Variants in HS6ST2 observed in about 807,000 individuals in gnomAD.
HS6ST2 encodes heparan-sulfate 6-O-sulfotransferase 2.
A neutral mutation model predicts 33.0 loss-of-function variants in HS6ST2; 17 were observed. The observed-to-expected ratio is 0.52, with a 90% CI of 0.35 to 0.77. HS6ST2 has a LOEUF of 0.77. Ranked by LOEUF, HS6ST2 falls within the 30% of genes least tolerant of loss-of-function variation. The pLI is 0.01. For missense variants in HS6ST2, 519 were observed against 551.7 expected (o/e 0.94, Z 0.59); for synonymous variants, 248 against 237.1 (o/e 1.05, Z -0.42).
intron 2 of HS6ST2, among the ~76,000 whole-genome samples, chrX:132,860,853 T>C (rs2065905945): frequency 2.1e-5 from 2 of 95,963 alleles, no homozygotes; most frequent in Non-Finnish European, 4.1e-5. Context: ...AGTGGTGCAA[T>C]CTCGGCTCAC....
chrX:132,643,142 C>T (rs2063614191), intron 4 of HS6ST2, among the ~76,000 whole-genome samples: 1 of 112,324 alleles, frequency 8.9e-6, no homozygotes, highest in Admixed American at 9.4e-5. Flanking sequence ...AAAATATAAG[C>T]CATGGCTCTA....
intron 2 of HS6ST2, among the ~76,000 whole-genome samples, chrX:132,783,651 GACCCCAAGCCT>G (rs2065034659): frequency 9.0e-6 from 1 of 110,864 alleles, no homozygotes; most frequent in African/African-American, 3.3e-5. Flanking sequence ...TTCCCAGGGA[GACCCCAAGCCT>G]GGGAATTTCA....
intron 2 of HS6ST2, among the ~76,000 whole-genome samples, chrX:132,822,327 G>A (rs2065468076): frequency 2.7e-5 from 3 of 111,106 alleles, no homozygotes; most frequent in Non-Finnish European, 3.8e-5. Flanking sequence ...ATCCCTGCCC[G>A]TGGTCTCAGA....
intron 2 of HS6ST2, among the ~76,000 whole-genome samples, chrX:132,783,122 T>C (rs1382122173): frequency 8.9e-6 from 1 of 111,980 alleles, no homozygotes; most frequent in Non-Finnish European, 1.9e-5. Flanking sequence ...GAGTAAATCA[T>C]GTCAGTGACC....
intron 3 of HS6ST2, among the ~76,000 whole-genome samples, chrX:132,679,227 G>T (rs2063948479): frequency 8.9e-6 from 1 of 112,140 alleles, no homozygotes; most frequent in Admixed American, 9.4e-5. Flanking sequence ...ATACAAGAAG[G>T]GTTGGCAGTC....
chrX:132,803,234 T>A (rs1171037793), intron 2 of HS6ST2, among the ~76,000 whole-genome samples: 1 of 111,287 alleles, frequency 9.0e-6, no homozygotes, highest in Non-Finnish European at 1.9e-5. Flanking sequence ...TTTCCTAGTC[T>A]CCCAGAAAAT....
At chrX:132,892,945 T>C (rs924147498) in intron 2 of HS6ST2, among the ~76,000 whole-genome samples, 5 of 112,774 alleles carry the variant, frequency 4.4e-5, no homozygotes, top group Admixed American at 2.8e-4. Flanking sequence ...AAATGCTATA[T>C]AAACAGTTAT....
intron 2 of HS6ST2, among the ~76,000 whole-genome samples, chrX:132,808,946 C>T (rs2065312330): frequency 8.9e-6 from 1 of 112,085 alleles, no homozygotes; most frequent in Non-Finnish European, 1.9e-5. Context: ...ATGCATCAAA[C>T]GCAAGAAGTA....
intron 2 of HS6ST2, among the ~76,000 whole-genome samples, chrX:132,838,415 G>A (rs2065667109): frequency 2.7e-5 from 3 of 111,804 alleles, no homozygotes; most frequent in Non-Finnish European, 1.9e-5. Context: ...AGTGAAGGGA[G>A]CTATGAGATC....
chrX:132,821,884 G>A (rs897985599), intron 2 of HS6ST2, among the ~76,000 whole-genome samples: 2 of 110,686 alleles, frequency 1.8e-5, no homozygotes, highest in Admixed American at 9.6e-5. Flanking sequence ...CCAGCTACTC[G>A]GGAGGCTGAG....
At chrX:132,675,309 C>T (rs1049204455) in intron 3 of HS6ST2, among the ~76,000 whole-genome samples, 14 of 111,282 alleles carry the variant, frequency 1.3e-4, no homozygotes, top group African/African-American at 3.9e-4. Context: ...CAGTGATCCA[C>T]TATGATTAAG....
At chrX:132,927,764 G>A (rs1210794406) in intron 2 of HS6ST2, among the ~76,000 whole-genome samples, 1 of 109,866 alleles carries the variant, frequency 9.1e-6, no homozygotes, top group Non-Finnish European at 1.9e-5. Flanking sequence ...GGCTGAGAGG[G>A]GAGGATCGCT....
At chrX:132,789,982 G>A (rs771808514) in intron 2 of HS6ST2, among the ~76,000 whole-genome samples, 1 of 112,642 alleles carries the variant, frequency 8.9e-6, no homozygotes, top group African/African-American at 3.2e-5. Context: ...GAATAATCGT[G>A]TTGAAATGAC....
chrX:132,913,682 G>A (rs1362662094), intron 2 of HS6ST2, among the ~76,000 whole-genome samples: 1 of 112,197 alleles, frequency 8.9e-6, no homozygotes, highest in Non-Finnish European at 1.9e-5. Context: ...TGGCTGCAGA[G>A]GTCTCCAGCT....
At chrX:132,940,929 T>C (rs2066880155) in intron 2 of HS6ST2, among the ~76,000 whole-genome samples, 1 of 111,705 alleles carries the variant, frequency 9.0e-6, no homozygotes, top group African/African-American at 3.3e-5. Context: ...CTGACCTCTG[T>C]GACATTCTCT....
intron 2 of HS6ST2, among the ~76,000 whole-genome samples, chrX:132,825,785 C>G (rs1170791078): frequency 1.8e-5 from 2 of 111,841 alleles, no homozygotes; most frequent in Non-Finnish European, 3.8e-5. Context: ...TAGTCCAACT[C>G]TCTTTAATAC....
chrX:132,853,394 A>G (rs966904313), intron 2 of HS6ST2, among the ~76,000 whole-genome samples: 1 of 107,802 alleles, frequency 9.3e-6, no homozygotes, highest in Non-Finnish European at 1.9e-5. Context: ...CCTGGGCTCA[A>G]GCGATCCTCC....
intron 2 of HS6ST2, among the ~76,000 whole-genome samples, chrX:132,873,013 C>G (rs1285012752): frequency 9.0e-6 from 1 of 111,232 alleles, no homozygotes; most frequent in African/African-American, 3.3e-5. Context: ...CCCATCACTT[C>G]CTGCAATCTC....
intron 2 of HS6ST2, among the ~76,000 whole-genome samples, chrX:132,916,924 T>G (rs1031678822): frequency 8.9e-6 from 1 of 111,943 alleles, no homozygotes; most frequent in Non-Finnish European, 1.9e-5. Context: ...TGAACTCCCT[T>G]TCATATATAT....
Sources: allele counts gnomAD v4.1 joint callset (sites outside exome capture counted in the v4.1 genomes callset), GRCh38; gene constraint gnomAD v4.1.1; transcripts MANE v1.5; gene names NCBI Gene and HGNC (gene_info 2026-07-23, HGNC 2026-07-21).